Variants in KIF20B observed in about 807,000 individuals in gnomAD.
KIF20B encodes the protein kinesin-like protein KIF20B.
In KIF20B, 188 loss-of-function variants were observed where a neutral mutation model predicts 232.5. That is an observed-to-expected ratio of 0.81 (90% CI 0.72 to 0.91). The LOEUF is 0.91. Ranked by LOEUF, KIF20B falls within the 40% of genes least tolerant of loss-of-function variation. The probability of loss-of-function intolerance (pLI) is 0.00; values close to 1 mark genes in which losing one functional copy is unlikely to be tolerated. For missense variants in KIF20B, 2,154 were observed against 2,055.9 expected (o/e 1.05, Z -0.92); for synonymous variants, 712 against 683.0 (o/e 1.04, Z -0.66).
chr10:89,715,947 C>G (rs777086230), intron 8 of KIF20B, among the ~76,000 whole-genome samples: 1 of 151,992 alleles, frequency 6.6e-6, no homozygotes, highest in Non-Finnish European at 1.5e-5. Context: ...GCCATGATCA[C>G]GCCTTTGCAC....
chr10:89,768,914 C>CT (rs756426783), intron 31 of KIF20B, 26 bp downstream of exon 31: 14 of 1,561,052 alleles, frequency 9.0e-6, no homozygotes, highest in Non-Finnish European at 1.1e-5. Context: ...ATTAAATGAC[C>CT]TTTTTTTGTT....
Position 89,726,573 on chromosome 10 carries a change from A to T in KIF20B, c.2230+52A>T, listed in dbSNP as rs12253906. ...TAGATATTGTAAACACATAAAAAGT[A>T]CTCTTGGTAAGTATAAGAGATTTAT... On this transcript the variant is annotated intron_variant, in intron 16 of 32. Transcript: ENST00000371728. The T allele has an allele frequency of 1.1e-3, 1,534 of 1,397,110 alleles. 23 individuals are homozygous for T. In the African/African-American group the frequency reaches 0.02, roughly 18 times the overall value. The allele number at this position is 1,397,110 out of a possible 1,614,324, so 86.5% of individuals were successfully genotyped here. A position where few individuals can be genotyped will look rare whatever the true frequency, so the allele number is the denominator to read the frequency against.
At chr10:89,726,587 TAA>T in intron 16 of KIF20B, 66 bp downstream of exon 16, 1 of 1,318,174 alleles carries the variant, frequency 7.6e-7, no homozygotes, top group East Asian at 2.6e-5. Flanking sequence ...TTGGTAAGTA[TAA>T]GAGATTTATG....
chr10:89,753,554 A>G (rs1242280623), intron 25 of KIF20B, among the ~76,000 whole-genome samples: 1 of 152,188 alleles, frequency 6.6e-6, no homozygotes, highest in Non-Finnish European at 1.5e-5. Context: ...TAATCACATT[A>G]GTGTAGATTA....
In KIF20B at chr10:89,766,933, A is replaced by G. The variant is rs1034208241; in HGVS notation, c.4990-1357A>G. ...CTTTTTCTTGATCCATTTTTTTTCA[A>G]CGAAGAAGGAAACACCGAGTGTAGT... On this transcript the variant is annotated intron_variant, in intron 29 of 32. Coordinates refer to ENST00000371728, the MANE Select transcript of KIF20B (RefSeq NM_001284259.2). Among the ~76,000 whole-genome samples, 16 of 151,974 alleles carry G rather than the reference A, an allele frequency of 1.1e-4. No homozygotes were observed. In the East Asian group the frequency reaches 1.2e-3, roughly 11 times the overall value.
chr10:89,715,581 A>G (rs547304222), intron 8 of KIF20B, among the ~76,000 whole-genome samples: 1 of 152,336 alleles, frequency 6.6e-6, no homozygotes, highest in Admixed American at 6.5e-5. Context: ...ATCATGATTC[A>G]GTACCTACAT....
In KIF20B at chr10:89,760,591, T is replaced by G; in HGVS notation, c.4746T>G (p.Thr1582=). ...CAGCAGATCCTGACAAACTTCAAAC[T>G]GAACCTCTATCGACAAGTTTTGAAA... ...ISSADPDKLQ[T]EPLSTSFEIS... The change falls in exon 28 of 33, where the codon ACT becomes ACG. Residue 1582 remains threonine, a synonymous_variant. Coordinates refer to ENST00000371728, the MANE Select transcript of KIF20B (RefSeq NM_001284259.2). The G allele has an allele frequency of 6.2e-7, 1 of 1,612,854 alleles. No individual in the cohort carries two copies. The highest frequency in any genetic ancestry group is 8.5e-7 in the Non-Finnish European group (1 of 1,179,054).
At chr10:89,757,019 C>A (rs1389630711) in intron 26 of KIF20B, among the ~76,000 whole-genome samples, 2 of 113,416 alleles carry the variant, frequency 1.8e-5, no homozygotes, top group African/African-American at 8.6e-5. Flanking sequence ...GCATATATCT[C>A]TGTTGTGTGT....
chr10:89,705,496 T>TTTTTCCCTTTTTA, intron 2 of KIF20B, 55 bp downstream of exon 2: 1 of 1,535,110 alleles, frequency 6.5e-7, no homozygotes, highest in Non-Finnish European at 8.9e-7. Context: ...AATGCAAGGG[T>TTTTTCCCTTTTTA]TGGCAAACAA....
At chr10:89,773,479 C>A (rs1842508582) in intron 32 of KIF20B, among the ~76,000 whole-genome samples, 1 of 151,978 alleles carries the variant, frequency 6.6e-6, no homozygotes, top group African/African-American at 2.4e-5. Context: ...CACTTGAATG[C>A]AAGATGTAAA....
At chr10:89,728,353 A>G (rs146712178) in intron 17 of KIF20B, among the ~76,000 whole-genome samples, 1,910 of 152,266 alleles carry the variant, frequency 0.013, 16 homozygotes, top group Middle Eastern at 0.024. Context: ...AAACCAAACC[A>G]ACTTGTTTGG....
intron 13 of KIF20B, among the ~76,000 whole-genome samples, chr10:89,722,107 C>G (rs1264265464): frequency 6.6e-6 from 1 of 152,060 alleles, no homozygotes; most frequent in Non-Finnish European, 1.5e-5. Context: ...AGACATGAGG[C>G]CTTGCTCTAT....
At position 89,737,896 on chromosome 10, in the gene KIF20B, G is replaced by T; in HGVS notation, c.3055G>T (p.Asp1019Tyr). 6.2e-7 allele frequency: 1 copy of T among 1,613,428 alleles called. No individual in the cohort carries two copies. The highest frequency in any genetic ancestry group is 1.1e-5 in the South Asian group (1 of 91,014). ...GGATCTGTCAAATGGTTCTGAGGAG[G>T]ATAATTTGCCAAATACACAGTTAGA... ...LRDLSNGSEE[D>Y]NLPNTQLDLL... The change falls in exon 20 of 33, where the codon GAT becomes TAT. Residue 1019 changes from aspartate (D) to tyrosine (Y), a missense_variant. Coordinates refer to ENST00000371728, the MANE Select transcript of KIF20B (RefSeq NM_001284259.2).
At chr10:89,747,974 CAG>C (rs1235506989) in intron 23 of KIF20B, among the ~76,000 whole-genome samples, 1 of 152,144 alleles carries the variant, frequency 6.6e-6, no homozygotes, top group Non-Finnish European at 1.5e-5. Flanking sequence ...TTTTCTTACT[CAG>C]ATTGTATTGA....
chr10:89,725,942 T>C (rs1407507228), intron 15 of KIF20B, among the ~76,000 whole-genome samples: 1 of 152,212 alleles, frequency 6.6e-6, no homozygotes, highest in Non-Finnish European at 1.5e-5. Flanking sequence ...TGGGATTGAC[T>C]GAGTTGTGAA....
chr10:89,758,973 A>G (rs768511314), intron 27 of KIF20B, 91 bp downstream of exon 27: 3 of 745,438 alleles, frequency 4.0e-6, no homozygotes, highest in Non-Finnish European at 5.8e-6. Context: ...GTAAGTCTCA[A>G]TAGACCAAAA....
intron 4 of KIF20B, 43 bp downstream of exon 4, chr10:89,709,504 G>T: frequency 7.6e-7 from 1 of 1,322,876 alleles, no homozygotes; most frequent in South Asian, 1.2e-5. Context: ...AAGATAAAGA[G>T]ACTTGGCTTA....
At chr10:89,741,370 C>G (rs1439002024) in intron 21 of KIF20B, among the ~76,000 whole-genome samples, 2 of 152,188 alleles carry the variant, frequency 1.3e-5, no homozygotes, top group Non-Finnish European at 2.9e-5. Flanking sequence ...GGCCCAGTTC[C>G]TAACAAGCTA....
chr10:89,711,594 A>G (rs1842838278), intron 6 of KIF20B, among the ~76,000 whole-genome samples: 1 of 152,084 alleles, frequency 6.6e-6, no homozygotes, highest in Non-Finnish European at 1.5e-5. Flanking sequence ...ATCCATATAC[A>G]GAGCTTTCTA....
Sources: gnomAD v4.1 joint callset for allele counts (sites outside exome capture counted in the v4.1 genomes callset) on GRCh38, gnomAD v4.1.1 for gene constraint, MANE v1.5 for transcripts, NCBI Gene and HGNC (gene_info 2026-07-23, HGNC 2026-07-21) for gene names.